The following SREBF2 variants were observed in gnomAD, a reference collection of about 807,000 sequenced individuals.
SREBF2 encodes sterol regulatory element-binding protein 2.
In SREBF2, 55 loss-of-function variants were observed where a neutral mutation model predicts 113.1. The ratio of observed to expected loss-of-function variants is 0.49; its 90% confidence interval spans 0.39 to 0.61. SREBF2 has a LOEUF of 0.61. Among genes scored for constraint, SREBF2 ranks in the 20% least tolerant of loss-of-function variants. SREBF2 has a pLI of 0.00. For missense variants in SREBF2, 1,349 were observed against 1,487.4 expected (o/e 0.91, Z 1.53); for synonymous variants, 593 against 605.7 (o/e 0.98, Z 0.31).
At chr22:41,883,216 T>C (rs1207428276) in intron 10 of SREBF2, among the ~76,000 whole-genome samples, 1 of 152,022 alleles carries the variant, frequency 6.6e-6, no homozygotes, top group African/African-American at 2.4e-5. Flanking sequence ...GAGGGGAGAT[T>C]GTTGCTGGGA....
In SREBF2 at chr22:41,886,975, A is replaced by G. The variant is rs185304092; in HGVS notation, c.2208+1964A>G. On this transcript the variant is annotated intron_variant, in intron 11 of 18. Transcript: ENST00000361204. ...CTTGAACCCAGGAGGTGGAGGGTGCATTGAGCGGAGATCACGCCATTGCAC... is the reference window on the plus strand; with the variant it reads ...CTTGAACCCAGGAGGTGGAGGGTGCGTTGAGCGGAGATCACGCCATTGCAC... Among the ~76,000 whole-genome samples, 356 of 152,340 alleles carry G rather than the reference A, an allele frequency of 2.3e-3. 2 individuals are homozygous for G. Among genetic ancestry groups the G allele is most frequent in the Non-Finnish European group, 4.5e-3 (303 of 68,034 alleles).
chr22:41,863,727 T>C (rs927911451), intron 1 of SREBF2, among the ~76,000 whole-genome samples: 2 of 152,150 alleles, frequency 1.3e-5, no homozygotes, highest in African/African-American at 4.8e-5. Context: ...TGTAGGAATG[T>C]AGTCTGGTGA....
chr22:41,864,356 T>C (rs2077056075), intron 1 of SREBF2, among the ~76,000 whole-genome samples: 1 of 142,020 alleles, frequency 7.0e-6, no homozygotes, highest in African/African-American at 2.6e-5. Context: ...AGTCTCGCTC[T>C]GTTGCCCAGG....
intron 11 of SREBF2, among the ~76,000 whole-genome samples, chr22:41,889,402 T>C (rs889283599): frequency 3.3e-5 from 5 of 152,060 alleles, no homozygotes; most frequent in African/African-American, 1.2e-4. Context: ...GCTGGGATTA[T>C]AGGCATGCAC....
At chr22:41,836,548 A>G (rs977785113) in intron 1 of SREBF2, among the ~76,000 whole-genome samples, 1 of 152,192 alleles carries the variant, frequency 6.6e-6, no homozygotes, top group Admixed American at 6.6e-5. Context: ...CTGTGTTCCC[A>G]TTACTGAATG....
chr22:41,899,662 C>A, intron 15 of SREBF2: 1 of 748,930 alleles, frequency 1.3e-6, no homozygotes, highest in Non-Finnish European at 1.6e-6. Context: ...AGCACCCAGC[C>A]CGGTATAGCA....
intron 11 of SREBF2, among the ~76,000 whole-genome samples, chr22:41,890,493 C>G (rs774635636): frequency 1.2e-4 from 18 of 152,182 alleles, no homozygotes; most frequent in Non-Finnish European, 2.5e-4. Context: ...GGGGACACAA[C>G]CTGGGGTTGG....
chr22:41,839,952 GTTTC>G (rs2076812236), intron 1 of SREBF2, among the ~76,000 whole-genome samples: 1 of 137,388 alleles, frequency 7.3e-6, no homozygotes, highest in Non-Finnish European at 1.6e-5. Context: ...CACATGCTTA[GTTTC>G]TTTTTTTTTT....
chr22:41,874,015 C>T lies in SREBF2; in HGVS notation c.1085C>T (p.Ala362Val). The change falls in exon 5 of 19, where the codon GCC (alanine) becomes GTC (valine). Residue 362 changes from alanine (A) to valine (V), a missense_variant. Transcript: ENST00000361204. ...ELKDLVMGTDAKMHKSGVLRK... is the reference protein window; with the variant it reads ...ELKDLVMGTDVKMHKSGVLRK... ...AAAGACCTGGTCATGGGGACAGACG[C>T]CAAGGTGGGTGCCAAGCAAAATTGT... The T allele has an allele frequency of 6.2e-7, 1 of 1,614,108 alleles. No individual in the cohort carries two copies.
chr22:41,896,471 T>C (rs2077417784), intron 13 of SREBF2, among the ~76,000 whole-genome samples: 1 of 152,172 alleles, frequency 6.6e-6, no homozygotes, highest in Non-Finnish European at 1.5e-5. Flanking sequence ...GCGGTTCTCC[T>C]GCCTCAGCCT....
At chr22:41,864,821 C>T (rs1389829296) in intron 1 of SREBF2, among the ~76,000 whole-genome samples, 1 of 151,976 alleles carries the variant, frequency 6.6e-6, no homozygotes, top group South Asian at 2.1e-4. Context: ...GCATGGTTGG[C>T]GCACACCTGT....
chr22:41,868,786 G>T lies in SREBF2; in HGVS notation c.714G>T (p.Gln238His). Residue 238 changes from glutamine to histidine, a missense_variant, in exon 3 of 19, where the codon CAG becomes CAT. By Grantham distance (24) the Gln-to-His change is conservative. Transcript: ENST00000361204. ...CAGTTGCTGCGCCACAGGTGCAGCA[G>T]GTCCCGGTAAGTGGCTGGAAAGGAT... ...VQTVAAPQVQ[Q>H]VPVLVQPQII... 3 of 1,609,862 alleles carry T rather than the reference G, an allele frequency of 1.9e-6. No homozygotes were observed. The highest frequency in any genetic ancestry group is 2.5e-6 in the Non-Finnish European group (3 of 1,178,162).
At chr22:41,881,159 T>C (rs2077242072) in intron 10 of SREBF2, among the ~76,000 whole-genome samples, 167 bp downstream of exon 10, 2 of 152,262 alleles carry the variant, frequency 1.3e-5, no homozygotes, top group Admixed American at 1.3e-4. Context: ...TAAGGTTGGC[T>C]CTTTGCTTTA....
Position 41,904,910 on chromosome 22 carries a change from C to T in SREBF2, c.3141C>T (p.Pro1047=), listed in dbSNP as rs757074741. The T allele has an allele frequency of 2.5e-6, 4 of 1,605,662 alleles. No individual in the cohort carries two copies. The highest frequency in any genetic ancestry group is 4.5e-5 in the East Asian group (2 of 44,760). ...ATVRLMAGAS[P]TRTHQLLEHS... ...TGCGCCTGATGGCAGGAGCCAGCCC[C>T]ACCCGCACCCACCAGCTGCTGGAAC... is the stretch of plus-strand genomic sequence containing the variant. Residue 1047 remains proline, a synonymous_variant, in exon 18 of 19, where the codon CCC becomes CCT. Transcript: ENST00000361204.
chr22:41,899,894 C>T (rs1166817064), intron 15 of SREBF2: 4 of 1,086,256 alleles, frequency 3.7e-6, no homozygotes, highest in Non-Finnish European at 4.5e-6. Context: ...CTAGCCTCCC[C>T]TTCCACTCCC....
At chr22:41,881,236 A>G (rs2077242896) in intron 10 of SREBF2, among the ~76,000 whole-genome samples, 1 of 152,238 alleles carries the variant, frequency 6.6e-6, no homozygotes, top group South Asian at 2.1e-4. Flanking sequence ...TGTCCTATAA[A>G]CAGTGGCACA....
intron 1 of SREBF2, among the ~76,000 whole-genome samples, chr22:41,846,437 A>G (rs1019561147): frequency 1.3e-5 from 2 of 152,166 alleles, no homozygotes; most frequent in Non-Finnish European, 2.9e-5. Context: ...CTTCCCTCAC[A>G]TGAGGACTGC....
At chr22:41,851,975 G>C (rs988297949) in intron 1 of SREBF2, among the ~76,000 whole-genome samples, 7 of 152,078 alleles carry the variant, frequency 4.6e-5, no homozygotes, top group African/African-American at 1.4e-4. Flanking sequence ...CGAAAAATTA[G>C]CCGGGCATGG....
intron 11 of SREBF2, among the ~76,000 whole-genome samples, chr22:41,890,548 G>T (rs2077350484): frequency 6.6e-6 from 1 of 152,188 alleles, no homozygotes; most frequent in African/African-American, 2.4e-5. Context: ...CTAAACAGTT[G>T]TGGGGTTCTT....
Sources: gnomAD v4.1 joint callset for allele counts (sites outside exome capture counted in the v4.1 genomes callset) on GRCh38, gnomAD v4.1.1 for gene constraint, MANE v1.5 for transcripts, NCBI Gene and HGNC (gene_info 2026-07-23, HGNC 2026-07-21) for gene names.